The following SHISA6 variants were observed in gnomAD, a reference collection of about 807,000 sequenced individuals.
The protein encoded by SHISA6 is protein shisa-6.
SHISA6 carries 22 observed loss-of-function variants against 47.9 expected under a neutral mutation model. The ratio of observed to expected loss-of-function variants is 0.46; its 90% CI spans 0.33 to 0.66. The LOEUF (loss-of-function observed/expected upper bound fraction) is 0.66, where lower values mean the gene tolerates loss of function less well. Ranked by LOEUF, SHISA6 falls within the 30% of genes least tolerant of loss-of-function variation. The pLI, the probability that SHISA6 is intolerant of heterozygous loss-of-function variation, is 0.02. For synonymous variants in SHISA6, 388 were observed against 337.8 expected (o/e 1.15, Z -1.63); for missense variants, 680 against 764.6 (o/e 0.89, Z 1.30).
At chr17:11,525,751 C>T (rs1252924175) in intron 3 of SHISA6, among the ~76,000 whole-genome samples, 3 of 150,880 alleles carry the variant, frequency 2.0e-5, no homozygotes, top group Admixed American at 1.3e-4. Flanking sequence ...TCTGGTGGCT[C>T]GCACCTGTAA....
chr17:11,485,078 C>G (rs2142333504), intron 3 of SHISA6, among the ~76,000 whole-genome samples: 1 of 152,272 alleles, frequency 6.6e-6, no homozygotes, highest in East Asian at 1.9e-4. Context: ...TAAAAAGGAC[C>G]AACCTTTTTC....
intron 2 of SHISA6, among the ~76,000 whole-genome samples, chr17:11,335,869 G>A (rs1036436373): frequency 3.3e-5 from 5 of 152,078 alleles, no homozygotes; most frequent in African/African-American, 1.2e-4. Context: ...CACGCTTAGT[G>A]GTTCAAATGA....
chr17:11,264,811 C>G (rs1908365433), intron 2 of SHISA6, among the ~76,000 whole-genome samples: 1 of 152,126 alleles, frequency 6.6e-6, no homozygotes, highest in African/African-American at 2.4e-5. Flanking sequence ...CTAATATTTG[C>G]TTTTAAAATA....
At chr17:11,321,727 G>A (rs567025555) in intron 2 of SHISA6, among the ~76,000 whole-genome samples, 4 of 152,036 alleles carry the variant, frequency 2.6e-5, no homozygotes, top group South Asian at 4.2e-4. Flanking sequence ...TGCTATTGTT[G>A]TTTTGTTCTT....
intron 2 of SHISA6, among the ~76,000 whole-genome samples, chr17:11,348,058 A>G (rs770839098): frequency 2.0e-5 from 3 of 152,208 alleles, no homozygotes; most frequent in Non-Finnish European, 4.4e-5. Context: ...TACAGAATAT[A>G]GTGGCTTGGC....
intron 2 of SHISA6, among the ~76,000 whole-genome samples, chr17:11,278,052 C>T (rs1291292226): frequency 6.6e-6 from 1 of 152,096 alleles, no homozygotes; most frequent in Non-Finnish European, 1.5e-5. Flanking sequence ...CACAAGGGGA[C>T]TGTGTAATGC....
Position 11,558,676 on chromosome 17 carries a change from G to T in SHISA6, c.*372G>T. Reference sequence around the variant, plus strand: ...TCTGTCAGCAGAGAGACCCTTGCTTGACTGTGGTCTGAAGCTGCCTGGGTT... The same window carrying T: ...TCTGTCAGCAGAGAGACCCTTGCTTTACTGTGGTCTGAAGCTGCCTGGGTT... On this transcript the variant is annotated 3_prime_UTR_variant, in exon 6 of 6. Coordinates refer to ENST00000441885, the MANE Select transcript of SHISA6 (RefSeq NM_207386.4). The T allele has an allele frequency of 3.4e-6, 1 of 292,122 alleles. No homozygotes were observed. The highest frequency in any genetic ancestry group is 6.5e-6 in the Non-Finnish European group (1 of 153,108). 18.1% of individuals were successfully genotyped at this position (292,122 alleles called of 1,614,324 possible). A position where few individuals can be genotyped will look rare whatever the true frequency, so the allele number is the denominator to read the frequency against.
chr17:11,484,495 G>T (rs561611695), intron 3 of SHISA6, among the ~76,000 whole-genome samples: 1 of 152,176 alleles, frequency 6.6e-6, no homozygotes, highest in South Asian at 2.1e-4. Context: ...CTGCCTCCTG[G>T]ATTCAAATGA....
intron 3 of SHISA6, among the ~76,000 whole-genome samples, chr17:11,503,362 T>C (rs1194625383): frequency 1.3e-5 from 2 of 151,190 alleles, no homozygotes; most frequent in Admixed American, 6.6e-5. Flanking sequence ...TTCGGTCATT[T>C]GCAATCTCTG....
intron 2 of SHISA6, among the ~76,000 whole-genome samples, chr17:11,320,059 A>G (rs1218888018): frequency 1.3e-5 from 2 of 152,228 alleles, no homozygotes; most frequent in Non-Finnish European, 2.9e-5. Context: ...TCTGAAAGAT[A>G]GTAAATACTT....
intron 3 of SHISA6, among the ~76,000 whole-genome samples, chr17:11,438,278 A>T (rs1914996066): frequency 6.6e-6 from 1 of 152,186 alleles, no homozygotes; most frequent in South Asian, 2.1e-4. Flanking sequence ...TTAAACATCA[A>T]ATTATGTTTA....
At chr17:11,536,704 T>G (rs1333095807) in intron 3 of SHISA6, among the ~76,000 whole-genome samples, 1 of 152,138 alleles carries the variant, frequency 6.6e-6, no homozygotes, top group Non-Finnish European at 1.5e-5. Context: ...AGCCCACCCT[T>G]GCTCATATCC....
intron 3 of SHISA6, among the ~76,000 whole-genome samples, chr17:11,526,119 C>G (rs534508340): frequency 3.9e-5 from 6 of 151,956 alleles, no homozygotes; most frequent in South Asian, 2.1e-4. Context: ...GACCCCCCCC[C>G]GCTCTCTGCT....
intron 2 of SHISA6, among the ~76,000 whole-genome samples, chr17:11,324,320 AT>A (rs1276121620): frequency 1.3e-5 from 2 of 152,184 alleles, no homozygotes; most frequent in East Asian, 3.8e-4. Context: ...TAGAAGGAAA[AT>A]TATCTGTGAG....
At chr17:11,483,449 A>G (rs1387887143) in intron 3 of SHISA6, among the ~76,000 whole-genome samples, 1 of 152,238 alleles carries the variant, frequency 6.6e-6, no homozygotes, top group African/African-American at 2.4e-5. Flanking sequence ...GAAATAAAGT[A>G]TAGCTTTATG....
At chr17:11,255,519 A>G (rs1907974352) in intron 1 of SHISA6, among the ~76,000 whole-genome samples, 1 of 152,202 alleles carries the variant, frequency 6.6e-6, no homozygotes, top group African/African-American at 2.4e-5. Context: ...GCGGGGCTTC[A>G]TCTGGATACT....
At chr17:11,286,053 G>T (rs1023800186) in intron 2 of SHISA6, among the ~76,000 whole-genome samples, 1 of 152,034 alleles carries the variant, frequency 6.6e-6, no homozygotes, top group Non-Finnish European at 1.5e-5. Flanking sequence ...AGCCAGGATG[G>T]TCTCGAACTC....
intron 2 of SHISA6, among the ~76,000 whole-genome samples, chr17:11,308,645 G>A (rs2142184235): frequency 6.6e-6 from 1 of 152,286 alleles, no homozygotes; most frequent in East Asian, 1.9e-4. Context: ...TGTCCAGCAT[G>A]ATTTGTTCTT....
At position 11,361,422 on chromosome 17, in the gene SHISA6, CCACTTTGT is replaced by C. The variant is rs1912282003; in HGVS notation, c.800-17988_800-17981del. ...GCATCGTGGAACCTAGGAACTTGAT[CCACTTTGT>C]CACCAATGGAAATATAAAGTTAATC... On this transcript the variant is annotated intron_variant, in intron 2 of 5. Transcript: ENST00000441885. Among the ~76,000 whole-genome samples, 4 of 152,194 alleles carry C rather than the reference CCACTTTGT, an allele frequency of 2.6e-5. No individual in the cohort carries two copies. In the South Asian group the frequency reaches 8.3e-4, roughly 32 times the overall value.
Sources: allele counts gnomAD v4.1 joint callset (sites outside exome capture counted in the v4.1 genomes callset), GRCh38; gene constraint gnomAD v4.1.1; transcripts MANE v1.5; gene names NCBI Gene and HGNC (gene_info 2026-07-23, HGNC 2026-07-21).